Variants in BCL7C observed in about 807,000 individuals in gnomAD.
BCL7C encodes the protein BAF chromatin remodeling complex subunit BCL7C.
BCL7C carries 8 observed loss-of-function variants against 26.2 expected under a neutral mutation model. That is an observed-to-expected ratio of 0.30 (90% CI 0.18 to 0.55). The LOEUF (loss-of-function observed/expected upper bound fraction) is 0.55, where lower values mean the gene tolerates loss of function less well. Ranked by LOEUF, BCL7C falls within the 20% of genes least tolerant of loss-of-function variation. The pLI, the probability that BCL7C is intolerant of heterozygous loss-of-function variation, is 0.93. For missense variants in BCL7C, 262 were observed against 298.5 expected (o/e 0.88, Z 0.90); for synonymous variants, 90 against 116.5 (o/e 0.77, Z 1.47).
At chr16:30,835,030 G>T in exon 6 of BCL7C, 1 of 1,549,508 alleles carries the variant, frequency 6.5e-7, no homozygotes, top group East Asian at 2.4e-5. Context: ...GTCCGGCACC[G>T]CCATGGAACT....
intron 5 of BCL7C, among the ~76,000 whole-genome samples, chr16:30,841,696 C>T (rs1212950951): frequency 6.6e-6 from 1 of 152,114 alleles, no homozygotes; most frequent in Non-Finnish European, 1.5e-5. Flanking sequence ...TGGCTCACAC[C>T]TGTAATCCCA....
chr16:30,875,131 C>A, intron 5 of BCL7C: 1 of 154,594 alleles, frequency 6.5e-6, no homozygotes, highest in Middle Eastern at 6.4e-4. Flanking sequence ...GCCCGGGATC[C>A]TCACGCCCCT....
chr16:30,886,710 G>C (rs2055138049), downstream of BCL7C, among the ~76,000 whole-genome samples: 1 of 152,124 alleles, frequency 6.6e-6, no homozygotes, highest in Non-Finnish European at 1.5e-5. Context: ...ACTGAGCCTG[G>C]AGTCAGGGAA....
intron 5 of BCL7C, among the ~76,000 whole-genome samples, chr16:30,844,913 A>C (rs1297843160): frequency 6.6e-6 from 1 of 152,168 alleles, no homozygotes; most frequent in East Asian, 1.9e-4. Context: ...AAGAAGGGGA[A>C]GCTCTTCCTG....
intron 5 of BCL7C, among the ~76,000 whole-genome samples, chr16:30,862,387 C>T (rs749331448): frequency 2.6e-5 from 4 of 152,188 alleles, no homozygotes; most frequent in Non-Finnish European, 4.4e-5. Context: ...TCATCAGTCT[C>T]AGCAACTTAC....
chr16:30,887,665 C>G, downstream of BCL7C: 1 of 830,942 alleles, frequency 1.2e-6, no homozygotes, highest in African/African-American at 1.8e-5. Context: ...CCACCCCACT[C>G]TGCCTTGTGG....
At chr16:30,841,685 G>T (rs912994715) in intron 5 of BCL7C, among the ~76,000 whole-genome samples, 44 of 150,624 alleles carry the variant, frequency 2.9e-4, no homozygotes, top group African/African-American at 9.8e-4. Context: ...GCCGGGCATG[G>T]TGGCTCACAC....
In BCL7C at chr16:30,894,001, G is replaced by T; in HGVS notation, c.-57C>A. 1.1e-6 allele frequency: 1 copy of T among 928,288 alleles called. No homozygotes were observed. The highest frequency in any genetic ancestry group is 1.3e-6 in the Non-Finnish European group (1 of 743,162). The allele number at this position is 928,288 out of a possible 1,614,324, so 57.5% of individuals were successfully genotyped here. A position where few individuals can be genotyped will look rare whatever the true frequency, so the allele number is the denominator to read the frequency against. ...CGGCGGGGCCGCCTCCCGTCCGGCG[G>T]GCTCAGGCTCCGCGCCAGGCCCGGG... On this transcript the variant is annotated 5_prime_UTR_variant, in exon 1 of 6. Transcript: ENST00000215115.
At chr16:30,835,857 G>GA (rs755800585) in intron 5 of BCL7C, among the ~76,000 whole-genome samples, 1 of 151,052 alleles carries the variant, frequency 6.6e-6, no homozygotes, top group Admixed American at 6.6e-5. Flanking sequence ...AGAAAAAAAA[G>GA]AAAAAATTTT....
intron 5 of BCL7C, among the ~76,000 whole-genome samples, chr16:30,871,729 C>A (rs1312878504): frequency 6.6e-6 from 1 of 152,176 alleles, no homozygotes. Context: ...AGGTGATCTG[C>A]CTACCTTGGC....
At chr16:30,848,735 C>CA (rs1052953610) in intron 5 of BCL7C, among the ~76,000 whole-genome samples, 1 of 151,694 alleles carries the variant, frequency 6.6e-6, no homozygotes, top group Non-Finnish European at 1.5e-5. Context: ...ACTAAAAATA[C>CA]AAAAAAATTC....
rs1422791228 is a variant in BCL7C, at chr16:30,893,127, G to A, written c.171+85C>T. The A allele has an allele frequency of 3.5e-6, 5 of 1,419,982 alleles. No homozygotes were observed. The highest frequency in any genetic ancestry group is 4.9e-6 in the Non-Finnish European group (5 of 1,024,890). 88.0% of individuals were successfully genotyped at this position (1,419,982 alleles called of 1,614,324 possible). Reference sequence around the variant, plus strand: ...TGTCCTGCTGCATCTGAGGTCTCGGGGAGCTGGAGGTAGAGGTCAGCGTGG... The same window carrying A: ...TGTCCTGCTGCATCTGAGGTCTCGGAGAGCTGGAGGTAGAGGTCAGCGTGG... On this transcript the variant is annotated intron_variant, in intron 2 of 5. Coordinates refer to ENST00000215115, the MANE Select transcript of BCL7C (RefSeq NM_004765.4). This position sits in a 1 kb window ranked among gnomAD's most constrained non-coding sequence, Gnocchi z 5.2.
At chr16:30,850,843 T>C (rs1353100730) in intron 5 of BCL7C, among the ~76,000 whole-genome samples, 1 of 152,196 alleles carries the variant, frequency 6.6e-6, no homozygotes, top group Non-Finnish European at 1.5e-5. Flanking sequence ...CTGTAGGCTT[T>C]ATGAACACTG....
chr16:30,866,501 T>C (rs2054830116), intron 5 of BCL7C, among the ~76,000 whole-genome samples: 2 of 145,204 alleles, frequency 1.4e-5, no homozygotes, highest in South Asian at 4.3e-4. Context: ...CGCCTGAACC[T>C]GGGTGGCAGA....
chr16:30,852,418 T>C (rs1158716829), intron 5 of BCL7C: 1 of 152,144 alleles, frequency 6.6e-6, no homozygotes, highest in African/African-American at 2.4e-5. Flanking sequence ...CCACATTTAT[T>C]TAAGAATGTA....
In BCL7C at chr16:30,879,689, C is replaced by CAAAAAAAAAAAAAAAAAAAAAAAAAAAAA. The variant is rs1187827463; in HGVS notation, c.528+9170_528+9171insTTTTTTTTTTTTTTTTTTTTTTTTTTTTT. Among the ~76,000 whole-genome samples, 17 of 29,400 alleles carry CAAAAAAAAAAAAAAAAAAAAAAAAAAAAA rather than the reference C, an allele frequency of 5.8e-4. 4 individuals carry two copies. The highest frequency in any genetic ancestry group is 7.1e-4 in the Non-Finnish European group (12 of 16,956). The allele number at this position is 29,400 out of a possible 152,430, so 19.3% of individuals were successfully genotyped here. A position where few individuals can be genotyped will look rare whatever the true frequency, so the allele number is the denominator to read the frequency against. On this transcript the variant is annotated intron_variant, in intron 5 of 5. Coordinates refer to the BCL7C transcript ENST00000380317. ...AACACAGAGAGACTCCCCTTCTCTACAAAAAAAAAAAAAAAAAAAACTGGG... is the reference window on the plus strand; with the variant it reads ...AACACAGAGAGACTCCCCTTCTCTACAAAAAAAAAAAAAAAAAAAAAAAAAAAAAAAAAAAAAAAAAAAAAAAAACTGGG...
At chr16:30,860,831 A>G (rs150554702) in intron 5 of BCL7C, among the ~76,000 whole-genome samples, 6 of 152,068 alleles carry the variant, frequency 3.9e-5, no homozygotes, top group Admixed American at 2.0e-4. Context: ...CTATGAACCT[A>G]TCTGACCTCT....
chr16:30,880,433 C>T (rs1000447847), intron 5 of BCL7C, among the ~76,000 whole-genome samples: 1 of 151,892 alleles, frequency 6.6e-6, no homozygotes, highest in Non-Finnish European at 1.5e-5. Context: ...GGCGCGGTGG[C>T]TCATGCCTGT....
intron 5 of BCL7C, chr16:30,875,305 C>T (rs765277761): frequency 1.9e-5 from 3 of 154,142 alleles, no homozygotes; most frequent in Non-Finnish European, 4.4e-5. Flanking sequence ...ACAGTGCAGC[C>T]CTGCGCACTG....
Sources: gnomAD v4.1 joint callset for allele counts (sites outside exome capture counted in the v4.1 genomes callset) on GRCh38, gnomAD v4.1.1 for gene constraint, Gnocchi (gnomAD v3.1) non-coding constraint, MANE v1.5 for transcripts, NCBI Gene and HGNC (gene_info 2026-07-23, HGNC 2026-07-21) for gene names.